DOCK7: variants seen among roughly 807,000 people sequenced by gnomAD.
The protein encoded by DOCK7 is dedicator of cytokinesis 7, also known as dedicator of cytokinesis protein 7.
In DOCK7, 138 loss-of-function variants were observed where a neutral mutation model predicts 271.0. The ratio of observed to expected loss-of-function variants is 0.51; its 90% CI spans 0.44 to 0.59. The LOEUF is 0.59. Among genes scored for constraint, DOCK7 ranks in the 20% least tolerant of loss-of-function variants. The pLI is 0.00. For missense variants in DOCK7, 2,066 were observed against 2,592.4 expected, an observed-to-expected ratio of 0.80 and a Z score of 4.41; for synonymous variants, 823 against 876.1, an observed-to-expected ratio of 0.94 and a Z score of 1.07.
intron 31 of DOCK7, among the ~76,000 whole-genome samples, chr1:62,521,734 G>A (rs1043173173): frequency 1.3e-5 from 2 of 152,218 alleles, no homozygotes; most frequent in African/African-American, 4.8e-5. Flanking sequence ...CCAGCACTTT[G>A]GGAGACTGAG....
At chr1:62,470,403 T>C (rs1645797277) in intron 48 of DOCK7, among the ~76,000 whole-genome samples, 2 of 152,022 alleles carry the variant, frequency 1.3e-5, no homozygotes, top group Non-Finnish European at 2.9e-5. Context: ...ACAATGGACT[T>C]TGAGGACTCG....
chr1:62,577,960 A>G (rs1008652598), intron 17 of DOCK7, among the ~76,000 whole-genome samples: 5 of 151,474 alleles, frequency 3.3e-5, no homozygotes, highest in East Asian at 1.9e-4. Flanking sequence ...GTCTCACTCC[A>G]TCGCCCAGGC....
At chr1:62,553,761 TTA>T (rs1646035714) in intron 21 of DOCK7, among the ~76,000 whole-genome samples, 1 of 150,204 alleles carries the variant, frequency 6.7e-6, no homozygotes. Context: ...AATAAAATCA[TTA>T]TCTCTTCAGT....
At chr1:62,682,015 T>C (rs1487325046) in intron 1 of DOCK7, among the ~76,000 whole-genome samples, 1 of 151,038 alleles carries the variant, frequency 6.6e-6, no homozygotes, top group Non-Finnish European at 1.5e-5. Context: ...AGGGGTAAGA[T>C]TTAGGAAAGA....
At chr1:62,670,657 C>G (rs1238877962) in intron 1 of DOCK7, among the ~76,000 whole-genome samples, 1 of 152,100 alleles carries the variant, frequency 6.6e-6, no homozygotes, top group African/African-American at 2.4e-5. Flanking sequence ...CTTGTAGAAC[C>G]TATGTGTGGA....
chr1:62,575,317 A>G (rs1358514577), intron 18 of DOCK7, among the ~76,000 whole-genome samples: 1 of 152,170 alleles, frequency 6.6e-6, no homozygotes, highest in Admixed American at 6.6e-5. Flanking sequence ...TACCTCTAAG[A>G]TAGCAAGACC....
Position 62,622,401 on chromosome 1 carries a change from G to C in DOCK7, c.1426-2408C>G, listed in dbSNP as rs530290617. Among the ~76,000 whole-genome samples the C allele has an allele frequency of 3.2e-4, 49 of 151,886 alleles. No individual in the cohort carries two copies. The South Asian group carries it at 0.01, about 32-fold the overall frequency. The stretch of plus-strand genomic sequence containing the variant: ...GTCTTCAAAACTATTGTGTGGGTTT[G>C]ATTTTTTTTTTAAATATCTATGTAT... On this transcript the variant is annotated intron_variant, in intron 12 of 49. Transcript: ENST00000635253.
intron 22 of DOCK7, among the ~76,000 whole-genome samples, chr1:62,552,009 G>A (rs539178060): frequency 1.4e-4 from 21 of 152,000 alleles, no homozygotes; most frequent in Middle Eastern, 6.8e-3. Context: ...GAACCTTAAG[G>A]AAATGCTGTC....
intron 4 of DOCK7, among the ~76,000 whole-genome samples, chr1:62,652,260 G>A (rs1326703256): frequency 6.6e-6 from 1 of 152,036 alleles, no homozygotes; most frequent in Non-Finnish European, 1.5e-5. Flanking sequence ...AGATTATTCT[G>A]TACTATAGTT....
In DOCK7 at chr1:62,609,388, C is replaced by T. The variant is rs532819857; in HGVS notation, c.1682+9318G>A. 3 of 152,162 alleles carry T rather than the reference C, an allele frequency of 2.0e-5. No homozygotes were observed. In the South Asian group the frequency reaches 6.2e-4, roughly 32 times the overall value. 9.4% of individuals were successfully genotyped at this position (152,162 alleles called of 1,614,324 possible). A position where few individuals can be genotyped will look rare whatever the true frequency, so the allele number is the denominator to read the frequency against. On this transcript the variant is annotated intron_variant, in intron 14 of 49. Transcript: ENST00000635253. ...AATTTGAAAGAGCAATAAATTACTACCTTGAAGATGTAAGGTTGTAGCTAT... is the reference window on the plus strand; with the variant it reads ...AATTTGAAAGAGCAATAAATTACTATCTTGAAGATGTAAGGTTGTAGCTAT...
intron 24 of DOCK7, 37 bp from the exon 25 acceptor site, chr1:62,542,740 A>C: frequency 6.3e-7 from 1 of 1,575,482 alleles, no homozygotes; most frequent in East Asian, 2.2e-5. Context: ...TATCAAAGTC[A>C]AATCTGCTGA....
In DOCK7 at chr1:62,566,815, AC is replaced by A. The variant is rs796132900; in HGVS notation, c.2113-5113del. Among the ~76,000 whole-genome samples, 65 of 152,262 alleles carry A rather than the reference AC, an allele frequency of 4.3e-4. 1 individual carries two copies. The highest frequency in any genetic ancestry group is 1.5e-3 in the African/African-American group (63 of 41,564). ...CTATCTATCTGACAAAGGGCTAATA[AC>A]CAGAACTACAAAGAACTTAAATAAA... On this transcript the variant is annotated intron_variant, in intron 18 of 49. Transcript: ENST00000635253.
At chr1:62,464,921 AG>A (rs1181785035) in intron 48 of DOCK7, among the ~76,000 whole-genome samples, 2 of 152,224 alleles carry the variant, frequency 1.3e-5, no homozygotes, top group Admixed American at 1.3e-4. Flanking sequence ...AATTTTAAAA[AG>A]AAAAAGATGT....
At chr1:62,562,590 A>C (rs777783786) in intron 18 of DOCK7, among the ~76,000 whole-genome samples, 3 of 152,180 alleles carry the variant, frequency 2.0e-5, no homozygotes, top group Admixed American at 1.3e-4. Context: ...AAAGTACATA[A>C]ATTCTCTCTA....
At chr1:62,588,248 C>A (rs1254951034) in intron 14 of DOCK7, among the ~76,000 whole-genome samples, 2 of 152,068 alleles carry the variant, frequency 1.3e-5, no homozygotes, top group Admixed American at 6.6e-5. Context: ...GTGTTGGGCA[C>A]TAGAAAAATA....
At chr1:62,534,931 A>G (rs1023179555) in intron 29 of DOCK7, among the ~76,000 whole-genome samples, 2 of 152,008 alleles carry the variant, frequency 1.3e-5, no homozygotes, top group Non-Finnish European at 2.9e-5. Context: ...TCTCTACTAC[A>G]AAAAGAAAAA....
chr1:62,499,206 CTGAG>C (rs1646709238), intron 37 of DOCK7, among the ~76,000 whole-genome samples: 2 of 152,156 alleles, frequency 1.3e-5, no homozygotes, highest in Admixed American at 1.3e-4. Context: ...ATCAAGAAAA[CTGAG>C]TGTGGTCAAA....
chr1:62,507,866 A>G, intron 35 of DOCK7, 96 bp downstream of exon 35: 1 of 1,101,732 alleles, frequency 9.1e-7, no homozygotes, highest in Non-Finnish European at 1.3e-6. Context: ...ACCAATATTT[A>G]ATAAAATGTA....
At chr1:62,604,646 G>C in intron 14 of DOCK7, 2 of 1,613,122 alleles carry the variant, frequency 1.2e-6, no homozygotes, top group Non-Finnish European at 1.7e-6. Context: ...GCTGGTGGTG[G>C]CATGATGAGT....
Sources: gnomAD v4.1 joint callset for allele counts (sites outside exome capture counted in the v4.1 genomes callset) on GRCh38, gnomAD v4.1.1 for gene constraint, MANE v1.5 for transcripts, NCBI Gene and HGNC (gene_info 2026-07-23, HGNC 2026-07-21) for gene names.